Variants in FRMPD2 observed in about 807,000 individuals in gnomAD.
FRMPD2 encodes FERM and PDZ domain-containing protein 2.
A neutral mutation model predicts 140.1 loss-of-function variants in FRMPD2; 96 were observed. The observed-to-expected ratio is 0.69, with a 90% CI of 0.58 to 0.81. FRMPD2 has a LOEUF of 0.81. Among genes scored for constraint, FRMPD2 ranks in the 40% least tolerant of loss-of-function variants. The pLI is 0.00. For missense variants in FRMPD2, 1,240 were observed against 1,447.4 expected, an observed-to-expected ratio of 0.86 and a Z score of 2.32; for synonymous variants, 449 against 547.6, an observed-to-expected ratio of 0.82 and a Z score of 2.52.
At chr10:48,268,330 TTTAAAAAA>T (rs1840712320) in intron 1 of FRMPD2, among the ~76,000 whole-genome samples, 1 of 152,328 alleles carries the variant, frequency 6.6e-6, no homozygotes, top group East Asian at 1.9e-4. Context: ...TCAGTTTCTT[TTTAAAAAA>T]GAGAAAAACT....
At chr10:48,248,937 G>A in intron 3 of FRMPD2, 84 bp downstream of exon 3, 1 of 1,276,708 alleles carries the variant, frequency 7.8e-7, no homozygotes, top group Non-Finnish European at 1.1e-6. Flanking sequence ...GCAAGGCTGA[G>A]CTGGGAGCTG....
At chr10:48,245,292 T>C (rs1840219296) in intron 3 of FRMPD2, among the ~76,000 whole-genome samples, 1 of 152,198 alleles carries the variant, frequency 6.6e-6, no homozygotes, top group Non-Finnish European at 1.5e-5. Context: ...CCTGGATCCT[T>C]GATGACATGA....
Position 48,232,217 on chromosome 10 carries a change from C to A in FRMPD2, c.1066G>T (p.Val356Leu). ...VVLLNGQHLEVKCDVESTVGA... is the reference protein window; with the variant it reads ...VVLLNGQHLELKCDVESTVGA... ...ACTGTTGATTCAACATCACATTTTA[C>A]CTCCAGGTGCTGCCCGTTCAGCAGG... is the stretch of plus-strand genomic sequence containing the variant. The change falls in exon 10 of 29, where the codon GTA becomes TTA. Residue 356 changes from valine to leucine, a missense_variant. Transcript: ENST00000374201. The A allele has an allele frequency of 1.9e-6, 3 of 1,614,178 alleles. No homozygotes were observed. The highest frequency in any genetic ancestry group is 2.5e-6 in the Non-Finnish European group (3 of 1,180,012).
At chr10:48,204,991 A>G (rs1249922847) in intron 14 of FRMPD2, among the ~76,000 whole-genome samples, 9 of 152,240 alleles carry the variant, frequency 5.9e-5, no homozygotes, top group Admixed American at 5.9e-4. Flanking sequence ...TGGCAAGATG[A>G]ACGATCTGTA....
chr10:48,174,036 A>T (rs1250203746), intron 24 of FRMPD2, among the ~76,000 whole-genome samples: 2 of 152,234 alleles, frequency 1.3e-5, no homozygotes, highest in Non-Finnish European at 2.9e-5. Context: ...GGTGCCAATA[A>T]ATTATGGCTC....
chr10:48,221,224 T>C (rs1253280404), intron 12 of FRMPD2, among the ~76,000 whole-genome samples: 1 of 152,174 alleles, frequency 6.6e-6, no homozygotes, highest in Non-Finnish European at 1.5e-5. Flanking sequence ...TATATGTATA[T>C]ATATACCACA....
At chr10:48,236,812 A>G (rs1839977421) in intron 8 of FRMPD2, among the ~76,000 whole-genome samples, 1 of 152,242 alleles carries the variant, frequency 6.6e-6, no homozygotes, top group Non-Finnish European at 1.5e-5. Context: ...GGGGTGAATT[A>G]TAAGTTTCAT....
chr10:48,173,318 C>T (rs1838316858), intron 24 of FRMPD2, among the ~76,000 whole-genome samples: 1 of 151,522 alleles, frequency 6.6e-6, no homozygotes, highest in Admixed American at 6.6e-5. Flanking sequence ...ACATGCAGTG[C>T]CACACTCATC....
rs544067697 is a variant in FRMPD2, at chr10:48,238,731, T to C, written c.789-608A>G. On this transcript the variant is annotated intron_variant, in intron 7 of 28. Coordinates refer to ENST00000374201, the MANE Select transcript of FRMPD2 (RefSeq NM_001018071.4). ...AAACACCGTTCCAGGTCCAGGAAGA[T>C]ATGAGCCCATCTAGGTTTTGATCTG... Among the ~76,000 whole-genome samples the C allele has an allele frequency of 2.5e-3, 379 of 152,276 alleles. 1 individual carries two copies. The highest frequency in any genetic ancestry group is 8.5e-4 in the Non-Finnish European group (58 of 68,016).
At chr10:48,185,031 T>C (rs755986882) in intron 18 of FRMPD2, 150 bp from the exon 19 acceptor site, 115 of 607,742 alleles carry the variant, frequency 1.9e-4, no homozygotes, top group Middle Eastern at 7.6e-4. Flanking sequence ...ATAGAGGATC[T>C]TTTCTACTTT....
intron 24 of FRMPD2, among the ~76,000 whole-genome samples, chr10:48,173,716 C>A (rs1449839167): frequency 6.6e-6 from 1 of 152,112 alleles, no homozygotes; most frequent in Non-Finnish European, 1.5e-5. Context: ...CCATGGCACC[C>A]CAGGTCTGTA....
chr10:48,229,911 C>T (rs964181327), intron 10 of FRMPD2, among the ~76,000 whole-genome samples: 1 of 152,094 alleles, frequency 6.6e-6, no homozygotes, highest in Non-Finnish European at 1.5e-5. Flanking sequence ...TGACAAGTTA[C>T]AGGTTTCTGA....
intron 3 of FRMPD2, 113 bp downstream of exon 3, chr10:48,248,908 G>T (rs182767965): frequency 5.0e-5 from 43 of 865,916 alleles, no homozygotes; most frequent in Middle Eastern, 7.5e-4. Flanking sequence ...CTCTGGCTTG[G>T]TGTTGAGAAC....
At position 48,232,173 on chromosome 10, in the gene FRMPD2, G is replaced by T. The variant is rs377736096; in HGVS notation, c.1110C>A (p.Ala370=). The part of the protein sequence containing the change: ...VESTVGAVFN[A]VTSFANLEEL... ...CCTCGAGGTTGGCAAAGGATGTCAC[G>T]GCATTGAAGACAGCTCCCACTGTTG... The change falls in exon 10 of 29, where the codon GCC becomes GCA. Residue 370 remains alanine (A), a synonymous_variant. Coordinates refer to ENST00000374201, the MANE Select transcript of FRMPD2 (RefSeq NM_001018071.4). 1.9e-6 allele frequency: 3 copies of T among 1,614,166 alleles called. No homozygotes were observed. The highest frequency in any genetic ancestry group is 1.6e-4 in the Middle Eastern group (1 of 6,062).
chr10:48,214,974 A>AAGT (rs1338880704), intron 12 of FRMPD2, among the ~76,000 whole-genome samples: 1 of 152,236 alleles, frequency 6.6e-6, no homozygotes, highest in Admixed American at 6.5e-5. Flanking sequence ...AAACCCCCGC[A>AAGT]TGTGATCAAG....
At chr10:48,164,440 C>G (rs1259087420) in intron 27 of FRMPD2, among the ~76,000 whole-genome samples, 1 of 150,382 alleles carries the variant, frequency 6.6e-6, no homozygotes, top group East Asian at 1.9e-4. Flanking sequence ...CATGATTTTA[C>G]CTTTTCCTGA....
chr10:48,237,902 C>T (rs551502387), intron 8 of FRMPD2, 89 bp downstream of exon 8: 60 of 1,488,548 alleles, frequency 4.0e-5, no homozygotes, highest in Non-Finnish European at 5.4e-5. Flanking sequence ...CCCTAGAAGA[C>T]CCTGCCCATT....
intron 15 of FRMPD2, among the ~76,000 whole-genome samples, chr10:48,195,399 G>C (rs58027692): frequency 0.014 from 2,160 of 152,314 alleles, 47 homozygotes; most frequent in African/African-American, 0.048. Context: ...GAATGACTAA[G>C]AAGCACTTGG....
In FRMPD2 at chr10:48,223,159, C is replaced by T. The variant is rs747020741; in HGVS notation, c.1280G>A (p.Arg427Lys). The T allele has an allele frequency of 6.2e-6, 10 of 1,613,924 alleles. No homozygotes were observed. The East Asian group carries it at 1.6e-4, about 25-fold the overall frequency. ...ATAGTGGCTGACAAAGAACTTTATC[C>T]TCAGGAAGAGTGTGAAGGTATTCAT... is the stretch of plus-strand genomic sequence containing the variant. ...TSMNTFTLFL[R>K]IKFFVSHYGL... is the part of the protein sequence containing the mutation. The change falls in exon 11 of 29, where the codon AGG becomes AAG. Residue 427 changes from arginine to lysine, a missense_variant. Arg to Lys is a conservative substitution (Grantham distance 26, BLOSUM62 2). Coordinates refer to ENST00000374201, the MANE Select transcript of FRMPD2 (RefSeq NM_001018071.4).
Sources: gnomAD v4.1 joint callset for allele counts (sites outside exome capture counted in the v4.1 genomes callset) on GRCh38, gnomAD v4.1.1 for gene constraint, MANE v1.5 for transcripts, NCBI Gene and HGNC (gene_info 2026-07-23, HGNC 2026-07-21) for gene names.